Variants in CUX1 observed in about 807,000 individuals in gnomAD.
CUX1 encodes the protein cut like homeobox 1.
A neutral mutation model predicts 158.8 loss-of-function variants in CUX1; 31 were observed. The ratio of observed to expected loss-of-function variants is 0.20; its 90% CI spans 0.15 to 0.26. The LOEUF (loss-of-function observed/expected upper bound fraction) is 0.26, where lower values mean the gene tolerates loss of function less well. Among genes scored for constraint, CUX1 ranks in the 10% least tolerant of loss-of-function variants. The probability of loss-of-function intolerance (pLI) is 1.00; values close to 1 mark genes in which losing one functional copy is unlikely to be tolerated. For synonymous variants in CUX1, 879 were observed against 862.1 expected (o/e 1.02, Z -0.34); for missense variants, 1,589 against 2,014.6 (o/e 0.79, Z 4.04).
intron 20 of CUX1, among the ~76,000 whole-genome samples, 189 bp from the exon 21 acceptor site, chr7:102,227,178 T>C (rs1798422253): frequency 6.6e-6 from 1 of 152,112 alleles, no homozygotes; most frequent in African/African-American, 2.4e-5. Flanking sequence ...TTTTTGTTTT[T>C]TAATATGGAA....
intron 9 of CUX1, among the ~76,000 whole-genome samples, chr7:102,167,201 G>A (rs1483253135): frequency 6.6e-6 from 1 of 151,644 alleles, no homozygotes; most frequent in East Asian, 1.9e-4. Context: ...CTGGGAGGTG[G>A]AGGTTGCAGT....
intron 1 of CUX1, among the ~76,000 whole-genome samples, chr7:101,876,098 C>T (rs1799100951): frequency 6.6e-6 from 1 of 152,122 alleles, no homozygotes; most frequent in Non-Finnish European, 1.5e-5. Context: ...GTAATCCCAG[C>T]ACTTTGGGAG....
intron 2 of CUX1, among the ~76,000 whole-genome samples, chr7:101,930,082 C>T (rs1806117355): frequency 2.0e-5 from 3 of 152,186 alleles, no homozygotes. Flanking sequence ...CCTCAGGTGA[C>T]TCACCTGCCT....
intron 2 of CUX1, among the ~76,000 whole-genome samples, chr7:101,945,361 A>G (rs1465854162): frequency 1.3e-5 from 2 of 152,224 alleles, no homozygotes; most frequent in African/African-American, 4.8e-5. Flanking sequence ...CCAGGAAAAT[A>G]AAATAAATTA....
intron 1 of CUX1, among the ~76,000 whole-genome samples, chr7:101,900,235 G>A (rs1248298479): frequency 6.6e-6 from 1 of 152,172 alleles, no homozygotes; most frequent in African/African-American, 2.4e-5. Flanking sequence ...CTTTAAAATC[G>A]CATCTCCGCT....
intron 8 of CUX1, among the ~76,000 whole-genome samples, chr7:102,127,590 T>TTA (rs376615685): frequency 0.044 from 6,750 of 152,132 alleles, 165 homozygotes; most frequent in South Asian, 0.073. Flanking sequence ...TTTTTTTTTT[T>TTA]ACCTGACATG....
chr7:102,015,932 A>G (rs1270771034), intron 2 of CUX1, among the ~76,000 whole-genome samples: 6 of 150,910 alleles, frequency 4.0e-5, no homozygotes, highest in Admixed American at 6.6e-5. Context: ...CTCCCACCTC[A>G]CTCCCAAGTA....
chr7:102,074,115 G>T (rs1390077214), intron 4 of CUX1, among the ~76,000 whole-genome samples: 1 of 152,228 alleles, frequency 6.6e-6, no homozygotes, highest in Non-Finnish European at 1.5e-5. Flanking sequence ...CCGGTCAATA[G>T]TGATGATGCA....
chr7:102,201,230 G>C lies in CUX1; in HGVS notation c.2063-130G>C. ...TGAATGTTTCACTGACAGGGGCCAT[G>C]CTGGGGAAATACACAGTGTGGTTCT... On this transcript the variant is annotated intron_variant, in intron 17 of 23. Coordinates refer to ENST00000292535, the MANE Select transcript of CUX1 (RefSeq NM_181552.4). The surrounding 1 kb of genome is among the most constrained non-coding windows in gnomAD (Gnocchi z 5.0). 7.4e-7 allele frequency: 1 copy of C among 1,353,112 alleles called. No homozygotes were observed. Among genetic ancestry groups the C allele is most frequent in the African/African-American group, 1.5e-5 (1 of 68,854 alleles). 83.8% of individuals were successfully genotyped at this position (1,353,112 alleles called of 1,614,324 possible). A position where few individuals can be genotyped will look rare whatever the true frequency, so the allele number is the denominator to read the frequency against.
Position 101,958,151 on chromosome 7 carries a change from G to C in CUX1, c.141+41926G>C, listed in dbSNP as rs77043614. Among the ~76,000 whole-genome samples, 1,081 of 152,304 alleles carry C rather than the reference G, an allele frequency of 7.1e-3. 8 individuals carry two copies. Among genetic ancestry groups the C allele is most frequent in the Middle Eastern group, 0.02 (6 of 294 alleles). The stretch of plus-strand genomic sequence containing the variant: ...TGCCAGACTCCGTGTGAAGTGTGCA[G>C]AGTGCTAGGTGGGTAAAAATAGCCC... On this transcript the variant is annotated intron_variant, in intron 2 of 23. Coordinates refer to ENST00000292535, the MANE Select transcript of CUX1 (RefSeq NM_181552.4).
intron 2 of CUX1, among the ~76,000 whole-genome samples, chr7:101,922,532 G>A (rs1350501308): frequency 1.3e-5 from 2 of 152,214 alleles, no homozygotes; most frequent in African/African-American, 4.8e-5. Flanking sequence ...ACTCATCCAT[G>A]CAGCCTTAGT....
At chr7:101,908,447 GTTTT>G (rs760841699) in intron 1 of CUX1, among the ~76,000 whole-genome samples, 2 of 106,762 alleles carry the variant, frequency 1.9e-5, no homozygotes, top group Non-Finnish European at 3.9e-5. Context: ...CGCCCAGCCT[GTTTT>G]TTGTTTGTTT....
intron 8 of CUX1, among the ~76,000 whole-genome samples, chr7:102,131,059 A>C (rs1833167762): frequency 6.7e-6 from 1 of 150,282 alleles, no homozygotes. Flanking sequence ...TGAGTCAGCG[A>C]GATCATGCCA....
chr7:101,947,474 G>A (rs1355163229), intron 2 of CUX1, among the ~76,000 whole-genome samples: 1 of 152,204 alleles, frequency 6.6e-6, no homozygotes, highest in African/African-American at 2.4e-5. Context: ...CCAACCATAA[G>A]TTAATCCCGC....
intron 1 of CUX1, among the ~76,000 whole-genome samples, chr7:101,823,180 G>A (rs755689035): frequency 1.1e-4 from 17 of 152,050 alleles, no homozygotes; most frequent in Non-Finnish European, 2.2e-4. Context: ...CACAAAGTTC[G>A]TCGCCCAATC....
At chr7:102,083,755 AT>A (rs1827683061) in intron 4 of CUX1, among the ~76,000 whole-genome samples, 1 of 146,916 alleles carries the variant, frequency 6.8e-6, no homozygotes, top group South Asian at 2.2e-4. Context: ...TTCATCTTTA[AT>A]TTCTCTGAGC....
intron 3 of CUX1, among the ~76,000 whole-genome samples, chr7:102,048,535 C>CA (rs912961212): frequency 1.1e-4 from 16 of 150,982 alleles, no homozygotes; most frequent in East Asian, 7.7e-4. Flanking sequence ...ATCAAATTTT[C>CA]AAAAAAAAAT....
chr7:102,257,483 G>T lies in CUX1; in HGVS notation c.*8441G>T. ...TTCACCCAAAATTCTTAAAACATTG[G>T]AGAATAGCTTGTTATAAAATAAAAG... On this transcript the variant is annotated 3_prime_UTR_variant, in exon 24 of 24. Transcript: ENST00000292535. 1.0e-6 allele frequency: 1 copy of T among 985,296 alleles called. No homozygotes were observed. The highest frequency in any genetic ancestry group is 1.2e-6 in the Non-Finnish European group (1 of 829,908). The allele number at this position is 985,296 out of a possible 1,614,324, so 61.0% of individuals were successfully genotyped here.
At chr7:102,147,998 A>T (rs898825095) in intron 8 of CUX1, among the ~76,000 whole-genome samples, 1 of 152,186 alleles carries the variant, frequency 6.6e-6, no homozygotes, top group Non-Finnish European at 1.5e-5. Context: ...ATAAATAAAT[A>T]AATAAATTTG....
Sources: allele counts gnomAD v4.1 joint callset (sites outside exome capture counted in the v4.1 genomes callset), GRCh38; gene constraint gnomAD v4.1.1; non-coding constraint Gnocchi (gnomAD v3.1); transcripts MANE v1.5; gene names NCBI Gene and HGNC (gene_info 2026-07-23, HGNC 2026-07-21).